Variants in SRPK2 observed in about 807,000 individuals in gnomAD.
The protein encoded by SRPK2 is SRSF protein kinase 2, also known as SFRS protein kinase 2.
Under a neutral mutation model 90.8 loss-of-function variants are expected in SRPK2, and 21 were observed. The ratio of observed to expected loss-of-function variants is 0.23; its 90% CI spans 0.16 to 0.33. SRPK2 has a LOEUF of 0.33. Among genes scored for constraint, SRPK2 ranks in the 10% least tolerant of loss-of-function variants. The probability of loss-of-function intolerance (pLI) is 1.00; values close to 1 mark genes in which losing one functional copy is unlikely to be tolerated. For synonymous variants in SRPK2, 288 were observed against 311.1 expected (o/e 0.93, Z 0.78); for missense variants, 620 against 869.0 (o/e 0.71, Z 3.60).
chr7:105,397,331 C>CTTT (rs1301286455), intron 1 of SRPK2, among the ~76,000 whole-genome samples: 1 of 135,028 alleles, frequency 7.4e-6, no homozygotes, highest in Non-Finnish European at 1.6e-5. Context: ...GAGTGACTTT[C>CTTT]TTTTTTTTTT....
intron 2 of SRPK2, among the ~76,000 whole-genome samples, chr7:105,367,532 G>C (rs1336583304): frequency 6.6e-6 from 1 of 152,064 alleles, no homozygotes; most frequent in Non-Finnish European, 1.5e-5. Context: ...CAAAGAGCTG[G>C]GATTACTGGC....
intron 2 of SRPK2, among the ~76,000 whole-genome samples, chr7:105,356,278 G>T (rs1817775937): frequency 6.6e-6 from 1 of 152,094 alleles, no homozygotes; most frequent in Admixed American, 6.6e-5. Flanking sequence ...CTGAAAAGTG[G>T]AAGGCACTAA....
At chr7:105,161,088 G>A (rs1383681500) in intron 6 of SRPK2, among the ~76,000 whole-genome samples, 1 of 151,992 alleles carries the variant, frequency 6.6e-6, no homozygotes, top group Non-Finnish European at 1.5e-5. Context: ...ACCACGCTCG[G>A]CTAATTTTTT....
intron 2 of SRPK2, among the ~76,000 whole-genome samples, chr7:105,265,168 T>C (rs1804869999): frequency 6.6e-6 from 1 of 152,156 alleles, no homozygotes; most frequent in South Asian, 2.1e-4. Flanking sequence ...GTATCTAGAC[T>C]GTTTAATAAA....
chr7:105,388,978 GGCCCCGCCCCC>G (rs1045415176), upstream of SRPK2: 112 of 999,246 alleles, frequency 1.1e-4, no homozygotes, highest in South Asian at 4.5e-4. Flanking sequence ...GCCCCCGTCC[GGCCCCGCCCCC>G]GCCCCGCCCC....
intron 2 of SRPK2, among the ~76,000 whole-genome samples, chr7:105,288,363 G>T (rs1004949209): frequency 1.3e-5 from 2 of 152,170 alleles, no homozygotes; most frequent in African/African-American, 4.8e-5. Flanking sequence ...TTGGGAGGTA[G>T]GGCGGGTGGA....
At chr7:105,191,873 CA>C (rs987772385) in intron 3 of SRPK2, among the ~76,000 whole-genome samples, 17 of 140,250 alleles carry the variant, frequency 1.2e-4, no homozygotes, top group African/African-American at 4.1e-4. Flanking sequence ...TAAAAAAAAA[CA>C]AAAAAAACTT....
At chr7:105,222,886 A>G (rs763272139) in intron 2 of SRPK2, among the ~76,000 whole-genome samples, 2 of 152,108 alleles carry the variant, frequency 1.3e-5, no homozygotes, top group Non-Finnish European at 2.9e-5. Flanking sequence ...TTACTGATGA[A>G]AAAAAAACAG....
rs535073444 is a variant in SRPK2 at position 105,382,989 on chromosome 7, A to G, written c.71+5659T>C. 2.0e-5 allele frequency among the ~76,000 whole-genome samples: 3 copies of G among 152,094 alleles called. No homozygotes were observed. The South Asian group carries it at 6.2e-4, about 32-fold the overall frequency. On this transcript the variant is annotated intron_variant, in intron 2 of 15. Coordinates refer to ENST00000393651, the MANE Select transcript of SRPK2 (RefSeq NM_182692.3). The stretch of plus-strand genomic sequence containing the variant: ...ACGTCAGGGAAGTTGAATAAAGAGT[A>G]CACAAAGAACTCTGTACCACTTTTG...
At chr7:105,228,986 GCTA>G (rs1308393858) in intron 2 of SRPK2, among the ~76,000 whole-genome samples, 1 of 152,140 alleles carries the variant, frequency 6.6e-6, no homozygotes, top group Non-Finnish European at 1.5e-5. Context: ...TGGTCTCTCT[GCTA>G]CTTTTTCACT....
At chr7:105,236,053 C>A (rs1197012684) in intron 2 of SRPK2, among the ~76,000 whole-genome samples, 3 of 152,168 alleles carry the variant, frequency 2.0e-5, no homozygotes, top group Admixed American at 6.5e-5. Flanking sequence ...TCAGAGTCTC[C>A]TCAAGACCTT....
chr7:105,332,128 T>A (rs1814492254), intron 2 of SRPK2, among the ~76,000 whole-genome samples: 1 of 152,054 alleles, frequency 6.6e-6, no homozygotes, highest in Admixed American at 6.6e-5. Context: ...GGCAATATTC[T>A]AAAGCACCAA....
chr7:105,193,930 T>C (rs371953813), intron 3 of SRPK2, among the ~76,000 whole-genome samples: 2 of 152,204 alleles, frequency 1.3e-5, no homozygotes, highest in Non-Finnish European at 2.9e-5. Flanking sequence ...CAAATACATA[T>C]ACTCTAATCA....
At chr7:105,314,146 C>T (rs1021558456) in intron 2 of SRPK2, among the ~76,000 whole-genome samples, 2 of 151,996 alleles carry the variant, frequency 1.3e-5, no homozygotes, top group African/African-American at 4.8e-5. Flanking sequence ...GCCTGGCCAA[C>T]ATGGTGAAAC....
intron 2 of SRPK2, among the ~76,000 whole-genome samples, chr7:105,320,537 C>A (rs1812821854): frequency 6.6e-6 from 1 of 152,012 alleles, no homozygotes; most frequent in Non-Finnish European, 1.5e-5. Flanking sequence ...AACCAAGAGG[C>A]AAACTAAATA....
chr7:105,398,953 T>A (rs1822399440), intron 1 of SRPK2, among the ~76,000 whole-genome samples: 1 of 152,214 alleles, frequency 6.6e-6, no homozygotes, highest in African/African-American at 2.4e-5. Flanking sequence ...CATAAAATAC[T>A]TGGAGGAGTA....
downstream of SRPK2, among the ~76,000 whole-genome samples, chr7:105,116,072 CA>C (rs1799606582): frequency 1.3e-5 from 2 of 152,158 alleles, no homozygotes; most frequent in African/African-American, 4.8e-5. Context: ...TGTTTCCTAA[CA>C]GCAAATGCTG....
At chr7:105,208,188 G>C (rs1250639780) in intron 2 of SRPK2, among the ~76,000 whole-genome samples, 1 of 152,174 alleles carries the variant, frequency 6.6e-6, no homozygotes, top group African/African-American at 2.4e-5. Flanking sequence ...AAACATTGTT[G>C]GTGGGAAGGG....
chr7:105,365,606 T>G (rs1284157549), intron 2 of SRPK2, among the ~76,000 whole-genome samples: 1 of 150,680 alleles, frequency 6.6e-6, no homozygotes, highest in East Asian at 2.0e-4. Context: ...AAGACGAGCC[T>G]GGGCAACACA....
Sources: gnomAD v4.1 joint callset for allele counts (sites outside exome capture counted in the v4.1 genomes callset) on GRCh38, gnomAD v4.1.1 for gene constraint, MANE v1.5 for transcripts, NCBI Gene and HGNC (gene_info 2026-07-23, HGNC 2026-07-21) for gene names.